TEC: variants seen among roughly 807,000 people sequenced by gnomAD.
The protein encoded by TEC is tec protein tyrosine kinase, also known as tyrosine-protein kinase Tec.
Under a neutral mutation model 93.0 loss-of-function variants are expected in TEC, and 72 were observed. The ratio of observed to expected loss-of-function variants is 0.77; its 90% CI spans 0.64 to 0.94. The LOEUF is 0.94. Ranked by LOEUF, TEC falls within the 40% of genes least tolerant of loss-of-function variation. TEC has a pLI of 0.00. For missense variants in TEC, 630 were observed against 757.9 expected, an observed-to-expected ratio of 0.83 and a Z score of 1.98; for synonymous variants, 249 against 247.7, an observed-to-expected ratio of 1.01 and a Z score of -0.05.
At chr4:48,208,806 C>T (rs913126383) in intron 2 of TEC, among the ~76,000 whole-genome samples, 3 of 152,136 alleles carry the variant, frequency 2.0e-5, no homozygotes, top group African/African-American at 7.2e-5. Flanking sequence ...CTATTGTGTC[C>T]ACAGAGCCTA....
At chr4:48,173,734 G>A (rs1461336830) in intron 3 of TEC, among the ~76,000 whole-genome samples, 1 of 152,158 alleles carries the variant, frequency 6.6e-6, no homozygotes, top group Non-Finnish European at 1.5e-5. Flanking sequence ...TAATAGTGTG[G>A]TGTAGGAGAA....
intron 14 of TEC, among the ~76,000 whole-genome samples, chr4:48,144,086 C>T (rs1210443231): frequency 1.3e-5 from 2 of 151,988 alleles, no homozygotes; most frequent in South Asian, 4.2e-4. Flanking sequence ...CATGGTGGCA[C>T]GTGCCTATAG....
chr4:48,221,207 G>A (rs1560414960), intron 2 of TEC, among the ~76,000 whole-genome samples: 1 of 152,162 alleles, frequency 6.6e-6, no homozygotes, highest in Non-Finnish European at 1.5e-5. Flanking sequence ...CCATTTATAT[G>A]GTTTGGCTGT....
intron 2 of TEC, among the ~76,000 whole-genome samples, chr4:48,219,938 C>G (rs73138482): frequency 6.6e-6 from 1 of 151,974 alleles, no homozygotes; most frequent in African/African-American, 2.4e-5. Context: ...TAGGGCTGGA[C>G]GCTGCAAGGC....
Position 48,145,217 on chromosome 4 carries a change from G to A in TEC, c.1332C>T (p.Phe444=), listed in dbSNP as rs1367330458. The A allele has an allele frequency of 1.2e-6, 2 of 1,613,966 alleles. No individual in the cohort carries two copies. Among genetic ancestry groups the A allele is most frequent in the African/African-American group, 1.3e-5 (1 of 74,874 alleles). ...AATTCAGAAGGCAGCCCCTTTCCATGAACTCAGTAACAATGTATATTGGTT... is the reference window on the plus strand; with the variant it reads ...AATTCAGAAGGCAGCCCCTTTCCATAAACTCAGTAACAATGTATATTGGTT... The part of the protein sequence containing the change: ...QQKPIYIVTE[F]MERGCLLNFL... The change falls in exon 14 of 18, where the codon TTC becomes TTT. Residue 444 remains phenylalanine (F), a synonymous_variant. Transcript: ENST00000381501.
intron 1 of TEC, among the ~76,000 whole-genome samples, chr4:48,267,961 G>T (rs1167512692): frequency 6.6e-6 from 1 of 152,210 alleles, no homozygotes; most frequent in Non-Finnish European, 1.5e-5. Flanking sequence ...CAGCACTCTG[G>T]ATACCCGGAG....
rs1721107182 is a variant in TEC at position 48,171,439 on chromosome 4, T to C, written c.254A>G (p.Asp85Gly). 1.2e-6 allele frequency: 2 copies of C among 1,613,336 alleles called. No individual in the cohort carries two copies. Among genetic ancestry groups the C allele is most frequent in the African/African-American group, 1.3e-5 (1 of 74,910 alleles). The change falls in exon 4 of 18, where the codon GAT becomes GGT. Residue 85 changes from aspartate to glycine, a missense_variant. Asp to Gly is a moderately conservative substitution (Grantham distance 94). Transcript: ENST00000381501. ...QNKYPFQVVH[D>G]ANTLYIFAPS... Reference sequence around the variant, plus strand: ...TGCAAAAATGTAAAGTGTGTTAGCATCATGAACAACCTAAAATAAAACAAA... The same window carrying C: ...TGCAAAAATGTAAAGTGTGTTAGCACCATGAACAACCTAAAATAAAACAAA...
chr4:48,167,548 G>A (rs1026192399), intron 7 of TEC, among the ~76,000 whole-genome samples: 2 of 152,110 alleles, frequency 1.3e-5, no homozygotes, highest in African/African-American at 4.8e-5. Flanking sequence ...TGTATCAGAT[G>A]AGAAAGAGAC....
At chr4:48,261,982 T>C in intron 1 of TEC, among the ~76,000 whole-genome samples, 1 of 152,020 alleles carries the variant, frequency 6.6e-6, no homozygotes. Flanking sequence ...AGAAAAAATA[T>C]ACAGATGGAA....
intron 14 of TEC, chr4:48,141,623 G>T: frequency 2.0e-5 from 9 of 452,902 alleles, no homozygotes; most frequent in South Asian, 3.6e-5. Flanking sequence ...TCAGAAAGTT[G>T]TATTTGCAAT....
At position 48,242,760 on chromosome 4, in the gene TEC, C is replaced by A. The variant is rs970916923; in HGVS notation, c.-45-14101G>T. ...ATGTGTGAAGTGATGGTATTTCAAC[C>A]AAGCTCTCATGCTCTTGTCTCTTTA... On this transcript the variant is annotated intron_variant, in intron 1 of 17. Coordinates refer to ENST00000381501, the MANE Select transcript of TEC (RefSeq NM_003215.3). Among the ~76,000 whole-genome samples, 23 of 152,164 alleles carry A rather than the reference C, an allele frequency of 1.5e-4. 1 individual carries two copies. The highest frequency in any genetic ancestry group is 1.2e-3 in the Admixed American group (19 of 15,278).
intron 5 of TEC, among the ~76,000 whole-genome samples, chr4:48,169,105 G>A (rs1262841740): frequency 6.6e-6 from 1 of 152,084 alleles, no homozygotes; most frequent in Non-Finnish European, 1.5e-5. Flanking sequence ...CAAATGGGGT[G>A]TGCCATTTTT....
chr4:48,256,892 A>G (rs887436866), intron 1 of TEC, among the ~76,000 whole-genome samples: 4 of 152,216 alleles, frequency 2.6e-5, no homozygotes, highest in Non-Finnish European at 5.9e-5. Flanking sequence ...ACCTTTTGCT[A>G]TAGAGCTGCG....
intron 7 of TEC, 132 bp from the exon 8 acceptor site, chr4:48,163,899 C>G (rs1720775208): frequency 2.0e-6 from 1 of 502,330 alleles, no homozygotes; most frequent in South Asian, 3.1e-5. Context: ...AGCTGACCCC[C>G]CAAAATGCAG....
intron 8 of TEC, among the ~76,000 whole-genome samples, chr4:48,160,570 T>C (rs988093507): frequency 6.6e-5 from 10 of 151,474 alleles, no homozygotes; most frequent in African/African-American, 2.4e-4. Context: ...CTACTAAAAA[T>C]ACAAAAATGA....
At chr4:48,203,837 C>T (rs1722613139) in intron 2 of TEC, among the ~76,000 whole-genome samples, 1 of 152,228 alleles carries the variant, frequency 6.6e-6, no homozygotes, top group South Asian at 2.1e-4. Flanking sequence ...TTTGGGCTAA[C>T]TCAGAGAAAC....
chr4:48,165,559 C>G (rs977837039), intron 7 of TEC, among the ~76,000 whole-genome samples: 1 of 152,054 alleles, frequency 6.6e-6, no homozygotes, highest in African/African-American at 2.4e-5. Context: ...GACACCTGAA[C>G]CACTAAGCAA....
At chr4:48,186,622 C>A (rs1425708622) in intron 2 of TEC, among the ~76,000 whole-genome samples, 5 of 151,840 alleles carry the variant, frequency 3.3e-5, no homozygotes, top group Non-Finnish European at 7.4e-5. Flanking sequence ...TGCCCAGCAG[C>A]CGCCCCGTCT....
At chr4:48,237,793 AT>A (rs1313318449) in intron 1 of TEC, among the ~76,000 whole-genome samples, 1 of 152,222 alleles carries the variant, frequency 6.6e-6, no homozygotes, top group East Asian at 1.9e-4. Flanking sequence ...AGGTGACCTT[AT>A]TTCACATCTC....
Sources: allele counts gnomAD v4.1 joint callset (sites outside exome capture counted in the v4.1 genomes callset), GRCh38; gene constraint gnomAD v4.1.1; transcripts MANE v1.5; gene names NCBI Gene and HGNC (gene_info 2026-07-23, HGNC 2026-07-21).